The following LHFPL6 variants were observed in gnomAD, a reference collection of about 807,000 sequenced individuals.
LHFPL6 encodes LHFPL tetraspan subfamily member 6 protein.
Under a neutral mutation model 20.6 loss-of-function variants are expected in LHFPL6, and 9 were observed. The observed-to-expected ratio is 0.44, with a 90% CI of 0.26 to 0.76. The LOEUF (loss-of-function observed/expected upper bound fraction) is 0.76. LHFPL6 is among the 30% of genes least tolerant of loss of function. The probability of loss-of-function intolerance (pLI) is 0.20; values close to 1 mark genes in which losing one functional copy is unlikely to be tolerated. For synonymous variants in LHFPL6, 105 were observed against 98.7 expected, an observed-to-expected ratio of 1.06 and a Z score of -0.38; for missense variants, 218 against 253.5, an observed-to-expected ratio of 0.86 and a Z score of 0.95.
chr13:39,491,533 G>A (rs144208561), intron 2 of LHFPL6, among the ~76,000 whole-genome samples: 4 of 152,274 alleles, frequency 2.6e-5, no homozygotes, highest in East Asian at 1.9e-4. Context: ...ATAAATTCAC[G>A]ATGGTTCTTT....
chr13:39,432,066 G>A (rs1271723142), intron 2 of LHFPL6, among the ~76,000 whole-genome samples: 1 of 151,984 alleles, frequency 6.6e-6, no homozygotes, highest in Non-Finnish European at 1.5e-5. Flanking sequence ...ACCCAGCTTG[G>A]GTCCCTTTTA....
At chr13:39,551,341 CT>C (rs1159012530) in intron 2 of LHFPL6, among the ~76,000 whole-genome samples, 1 of 152,098 alleles carries the variant, frequency 6.6e-6, no homozygotes, top group Non-Finnish European at 1.5e-5. Context: ...TAACAACCCA[CT>C]CTTGAGTTAA....
intron 2 of LHFPL6, among the ~76,000 whole-genome samples, chr13:39,576,165 C>T (rs916873795): frequency 4.6e-5 from 7 of 152,102 alleles, no homozygotes; most frequent in African/African-American, 1.7e-4. Context: ...GGAAATAAGC[C>T]CATTTTTCAC....
At chr13:39,472,252 T>C (rs1338211586) in intron 2 of LHFPL6, among the ~76,000 whole-genome samples, 1 of 152,174 alleles carries the variant, frequency 6.6e-6, no homozygotes, top group African/African-American at 2.4e-5. Flanking sequence ...CACTAACAAG[T>C]AAAAATCACT....
chr13:39,564,446 A>G (rs1871648208), intron 2 of LHFPL6, among the ~76,000 whole-genome samples: 1 of 152,194 alleles, frequency 6.6e-6, no homozygotes, highest in Non-Finnish European at 1.5e-5. Flanking sequence ...GTGCATCTTC[A>G]TATTTCTAAA....
At chr13:39,436,369 GA>G (rs1487081468) in intron 2 of LHFPL6, among the ~76,000 whole-genome samples, 1 of 152,086 alleles carries the variant, frequency 6.6e-6, no homozygotes, top group Non-Finnish European at 1.5e-5. Flanking sequence ...TTTTTTAAAT[GA>G]GCATAGCTTG....
rs11292419 is a variant in LHFPL6 at position 39,413,434 on chromosome 13, ATT to A, written c.386-34910_386-34909del. ...AATGTCAAACCCGAAACTACTCAGG[ATT>A]TTTTTTTTTTTTTTTTAGGAATTGG... On this transcript the variant is annotated intron_variant, in intron 2 of 3. Transcript: ENST00000379589. 7.9e-3 allele frequency among the ~76,000 whole-genome samples: 929 copies of A among 117,756 alleles called. 2 individuals carry two copies. Among genetic ancestry groups the A allele is most frequent in the Middle Eastern group, 0.017 (4 of 242 alleles). The allele number at this position is 117,756 out of a possible 152,430, so 77.3% of individuals were successfully genotyped here.
At chr13:39,431,977 G>C (rs1355463716) in intron 2 of LHFPL6, among the ~76,000 whole-genome samples, 13 of 151,986 alleles carry the variant, frequency 8.6e-5, no homozygotes, top group Admixed American at 8.5e-4. Context: ...TTAAGACGTG[G>C]GGCCTTTTGA....
At chr13:39,566,980 T>C (rs981908999) in intron 2 of LHFPL6, among the ~76,000 whole-genome samples, 9 of 151,744 alleles carry the variant, frequency 5.9e-5, no homozygotes, top group Non-Finnish European at 1.3e-4. Flanking sequence ...TAAAAGCATT[T>C]AGCATGGTGC....
intron 2 of LHFPL6, among the ~76,000 whole-genome samples, chr13:39,600,202 CT>C (rs993289782): frequency 9.2e-5 from 14 of 152,168 alleles, no homozygotes; most frequent in African/African-American, 3.1e-4. Flanking sequence ...TATCCCTTTT[CT>C]TTTTTTCCAC....
At chr13:39,549,742 C>T (rs1460439716) in intron 2 of LHFPL6, among the ~76,000 whole-genome samples, 1 of 152,068 alleles carries the variant, frequency 6.6e-6, no homozygotes, top group African/African-American at 2.4e-5. Context: ...TTCATAATCA[C>T]TATAAACTGA....
chr13:39,399,019 G>A (rs1326288751), intron 2 of LHFPL6, among the ~76,000 whole-genome samples: 2 of 152,098 alleles, frequency 1.3e-5, no homozygotes, highest in Admixed American at 6.5e-5. Flanking sequence ...ATAATCATTC[G>A]ACACAAGTGT....
intron 3 of LHFPL6, among the ~76,000 whole-genome samples, chr13:39,377,901 T>C (rs546188851): frequency 5.1e-4 from 78 of 152,350 alleles, no homozygotes; most frequent in African/African-American, 1.7e-3. Flanking sequence ...CTTGTGCCTT[T>C]GCTATACTGT....
At chr13:39,501,190 G>T (rs1310943819) in intron 2 of LHFPL6, among the ~76,000 whole-genome samples, 1 of 152,188 alleles carries the variant, frequency 6.6e-6, no homozygotes, top group Non-Finnish European at 1.5e-5. Context: ...GTTAGCAACA[G>T]GAAGTCGGTG....
intron 2 of LHFPL6, among the ~76,000 whole-genome samples, chr13:39,382,931 A>T (rs1394267570): frequency 2.6e-5 from 4 of 152,156 alleles, no homozygotes; most frequent in Non-Finnish European, 5.9e-5. Flanking sequence ...AATTTGAGAA[A>T]CATTTCTGGG....
intron 2 of LHFPL6, among the ~76,000 whole-genome samples, chr13:39,449,114 A>G (rs988354215): frequency 3.3e-5 from 5 of 152,246 alleles, no homozygotes; most frequent in African/African-American, 1.2e-4. Context: ...TTTCCACTGC[A>G]TCTCGGCTGC....
chr13:39,548,753 G>A (rs1220184442), intron 2 of LHFPL6, among the ~76,000 whole-genome samples: 2 of 152,074 alleles, frequency 1.3e-5, no homozygotes, highest in Non-Finnish European at 2.9e-5. Context: ...GCTGATTCCA[G>A]GGTAAGGCAG....
chr13:39,344,440 A>G (rs936250643), intron 3 of LHFPL6, among the ~76,000 whole-genome samples: 3 of 152,236 alleles, frequency 2.0e-5, no homozygotes, highest in Non-Finnish European at 4.4e-5. Flanking sequence ...ATGTTGATGC[A>G]ATCCTTCTGC....
chr13:39,480,656 C>T (rs936744094), intron 2 of LHFPL6, among the ~76,000 whole-genome samples: 18 of 152,100 alleles, frequency 1.2e-4, no homozygotes, highest in Non-Finnish European at 1.9e-4. Context: ...AAGAGGCCAC[C>T]CTTTTTTACT....
Sources: allele counts gnomAD v4.1 joint callset (sites outside exome capture counted in the v4.1 genomes callset), GRCh38; gene constraint gnomAD v4.1.1; transcripts MANE v1.5; gene names NCBI Gene and HGNC (gene_info 2026-07-23, HGNC 2026-07-21).